The following ACER3 variants were observed in gnomAD, a reference collection of about 807,000 sequenced individuals.
ACER3 encodes the protein alkaline ceramidase 3.
ACER3 carries 16 observed loss-of-function variants against 48.9 expected under a neutral mutation model. The ratio of observed to expected loss-of-function variants is 0.33; its 90% CI spans 0.22 to 0.50. ACER3 has a LOEUF of 0.50. Among genes scored for constraint, ACER3 ranks in the 20% least tolerant of loss-of-function variants. ACER3 has a pLI of 0.98. For synonymous variants in ACER3, 109 were observed against 107.8 expected (o/e 1.01, Z -0.07); for missense variants, 227 against 326.0 (o/e 0.70, Z 2.34).
chr11:76,974,489 G>A (rs1948386781), intron 3 of ACER3, among the ~76,000 whole-genome samples: 1 of 152,200 alleles, frequency 6.6e-6, no homozygotes, highest in Non-Finnish European at 1.5e-5. Flanking sequence ...TTAACTTCAA[G>A]AGAGGTATCA....
Position 76,901,270 on chromosome 11 carries a change from T to TAA in ACER3, c.104-25274_104-25273dup, listed in dbSNP as rs35531620. Among the ~76,000 whole-genome samples the TAA allele has an allele frequency of 3.6e-3, 526 of 146,004 alleles. 1 individual carries two copies. The highest frequency in any genetic ancestry group is 5.3e-3 in the Admixed American group (77 of 14,618). Reference sequence around the variant, plus strand: ...GCATTGTCCAACATTGTCCAACATTTAAAAAAAAAAAAAACTTTTAAAAGG... The same window carrying TAA: ...GCATTGTCCAACATTGTCCAACATTTAAAAAAAAAAAAAAAACTTTTAAAAGG... On this transcript the variant is annotated intron_variant, in intron 1 of 10. Transcript: ENST00000532485.
At chr11:76,939,970 C>G (rs1035083761) in intron 2 of ACER3, among the ~76,000 whole-genome samples, 2 of 152,154 alleles carry the variant, frequency 1.3e-5, no homozygotes, top group East Asian at 1.9e-4. Flanking sequence ...GATAGTAATA[C>G]TACATTAATG....
intron 1 of ACER3, among the ~76,000 whole-genome samples, chr11:76,909,931 T>G (rs1029461707): frequency 6.6e-6 from 1 of 152,188 alleles, no homozygotes; most frequent in African/African-American, 2.4e-5. Flanking sequence ...CATGGAATAC[T>G]ATGCAGCCAT....
intron 3 of ACER3, among the ~76,000 whole-genome samples, chr11:76,966,181 T>C (rs1232810188): frequency 6.6e-6 from 1 of 152,002 alleles, no homozygotes; most frequent in Admixed American, 6.5e-5. Context: ...TAAACAGACT[T>C]TAAACCAACA....
At chr11:76,868,383 CTCTCTCTCTGTGTG>C (rs1258254197) in intron 1 of ACER3, 25 of 526,110 alleles carry the variant, frequency 4.8e-5, no homozygotes, top group East Asian at 1.8e-4. Context: ...ATATCTCTCT[CTCTCTCTCTGTGTG>C]TGTGTGTGTG....
intron 2 of ACER3, among the ~76,000 whole-genome samples, chr11:76,929,950 C>A (rs1946948513): frequency 6.6e-6 from 1 of 152,004 alleles, no homozygotes; most frequent in East Asian, 1.9e-4. Context: ...TGTGTCTCTG[C>A]CAGGCTTTGG....
chr11:76,877,342 A>G (rs1379311332), intron 1 of ACER3, among the ~76,000 whole-genome samples: 1 of 152,182 alleles, frequency 6.6e-6, no homozygotes, highest in Non-Finnish European at 1.5e-5. Flanking sequence ...TCAGAACTCC[A>G]AAACTATGCA....
At chr11:77,011,572 T>G (rs1234861633) in intron 7 of ACER3, among the ~76,000 whole-genome samples, 1 of 152,216 alleles carries the variant, frequency 6.6e-6, no homozygotes, top group African/African-American at 2.4e-5. Context: ...GTGACTCTTT[T>G]AAGCTCATCT....
chr11:77,005,074 A>G (rs1555020605), intron 7 of ACER3, among the ~76,000 whole-genome samples: 1 of 129,344 alleles, frequency 7.7e-6, no homozygotes, highest in Non-Finnish European at 1.6e-5. Context: ...GTCTCACTCT[A>G]TCGTCCAGGC....
intron 1 of ACER3, among the ~76,000 whole-genome samples, chr11:76,865,852 T>C (rs1249687597): frequency 6.6e-6 from 1 of 151,032 alleles, no homozygotes; most frequent in Non-Finnish European, 1.5e-5. Flanking sequence ...AGTCTCATTC[T>C]GTCGCCCAGG....
chr11:77,025,607 G>A lies in ACER3; in HGVS notation c.*5280G>A, dbSNP rs1223072418. 6.6e-6 allele frequency: 1 copy of A among 151,860 alleles called. No homozygotes were observed. The highest frequency in any genetic ancestry group is 1.5e-5 in the Non-Finnish European group (1 of 68,006). 9.4% of individuals were successfully genotyped at this position (151,860 alleles called of 1,614,324 possible). A position where few individuals can be genotyped will look rare whatever the true frequency, so the allele number is the denominator to read the frequency against. On this transcript the variant is annotated 3_prime_UTR_variant, in exon 11 of 11. Coordinates refer to ENST00000532485, the MANE Select transcript of ACER3 (RefSeq NM_018367.7). ...GATTTTTGTATTTTTAGTAGAGCTG[G>A]GTTGGCCAGGCTGGTCTTGAACTCC...
rs183286454 is a variant in ACER3, at chr11:76,934,435, C to T, written c.214+7768C>T. ...GTGAACGAGACTCCGTCTGCAATCC[C>T]GGCACCTCGGGAGGCCGAGGCTGGC... On this transcript the variant is annotated intron_variant, in intron 2 of 10. Transcript: ENST00000532485. Among the ~76,000 whole-genome samples, 942 of 152,358 alleles carry T rather than the reference C, an allele frequency of 6.2e-3. 7 individuals carry two copies. The highest frequency in any genetic ancestry group is 0.024 in the Middle Eastern group (7 of 294).
intron 1 of ACER3, among the ~76,000 whole-genome samples, chr11:76,862,004 A>C (rs1590845481): frequency 6.6e-6 from 1 of 152,334 alleles, no homozygotes; most frequent in Middle Eastern, 3.4e-3. Context: ...GAAATCTGCC[A>C]CTTCTTTTTC....
chr11:76,896,015 G>A (rs1945919375), intron 1 of ACER3, among the ~76,000 whole-genome samples: 1 of 152,032 alleles, frequency 6.6e-6, no homozygotes, highest in Non-Finnish European at 1.5e-5. Flanking sequence ...TGTTTTACTG[G>A]ACAACCATAA....
intron 3 of ACER3, among the ~76,000 whole-genome samples, chr11:76,970,045 AC>A (rs1948254540): frequency 6.6e-6 from 1 of 151,916 alleles, no homozygotes; most frequent in Admixed American, 6.6e-5. Context: ...TGCAACTCTT[AC>A]TGTGATTATA....
chr11:76,929,496 A>G (rs1440995063), intron 2 of ACER3, among the ~76,000 whole-genome samples: 3 of 152,164 alleles, frequency 2.0e-5, no homozygotes, highest in Non-Finnish European at 4.4e-5. Flanking sequence ...TTCCAACACT[A>G]TGTTGAATAG....
At chr11:76,966,824 G>T (rs1591004757) in intron 3 of ACER3, among the ~76,000 whole-genome samples, 1 of 150,986 alleles carries the variant, frequency 6.6e-6, no homozygotes. Context: ...AGAGGGAAAT[G>T]TATAGCACTA....
At chr11:77,014,327 T>C (rs1278447819) in intron 7 of ACER3, among the ~76,000 whole-genome samples, 1 of 152,224 alleles carries the variant, frequency 6.6e-6, no homozygotes, top group Admixed American at 6.5e-5. Context: ...TCAGGCCTTA[T>C]TTTTCTTCAA....
intron 6 of ACER3, among the ~76,000 whole-genome samples, chr11:76,997,780 A>G (rs1463647645): frequency 2.0e-5 from 3 of 152,168 alleles, no homozygotes; most frequent in Non-Finnish European, 2.9e-5. Flanking sequence ...CAAGCCTGCA[A>G]TGAGCTATGA....
Sources: allele counts gnomAD v4.1 joint callset (sites outside exome capture counted in the v4.1 genomes callset), GRCh38; gene constraint gnomAD v4.1.1; transcripts MANE v1.5; gene names NCBI Gene and HGNC (gene_info 2026-07-23, HGNC 2026-07-21).